The following PLCE1 variants were observed in gnomAD, a reference collection of about 807,000 sequenced individuals.
PLCE1 encodes phospholipase C epsilon 1.
Under a neutral mutation model 242.8 loss-of-function variants are expected in PLCE1, and 119 were observed. The ratio of observed to expected loss-of-function variants is 0.49; its 90% CI spans 0.42 to 0.57. PLCE1 has a LOEUF of 0.57. Among genes scored for constraint, PLCE1 ranks in the 20% least tolerant of loss-of-function variants. The pLI, the probability that PLCE1 is intolerant of heterozygous loss-of-function variation, is 0.00. For synonymous variants in PLCE1, 945 were observed against 1,017.4 expected, an observed-to-expected ratio of 0.93 and a Z score of 1.35; for missense variants, 2,441 against 2,788.8, an observed-to-expected ratio of 0.88 and a Z score of 2.81.
chr10:94,239,044 A>C (rs2050414086), intron 7 of PLCE1, among the ~76,000 whole-genome samples: 1 of 152,224 alleles, frequency 6.6e-6, no homozygotes, highest in Admixed American at 6.5e-5. Context: ...TGTAAACTGG[A>C]AATGACAATA....
At chr10:94,284,478 ACT>A (rs1360086430) in intron 21 of PLCE1, among the ~76,000 whole-genome samples, 2 of 152,152 alleles carry the variant, frequency 1.3e-5, no homozygotes, top group Non-Finnish European at 2.9e-5. Context: ...CAGTTTATAG[ACT>A]CTGAGCAAAT....
chr10:94,205,324 T>G (rs1266582951), intron 4 of PLCE1, among the ~76,000 whole-genome samples: 5 of 152,214 alleles, frequency 3.3e-5, no homozygotes, highest in African/African-American at 1.2e-4. Flanking sequence ...CATTTCCTAC[T>G]GTAGAGAATG....
chr10:94,124,187 G>A (rs889955262), intron 2 of PLCE1, among the ~76,000 whole-genome samples: 10 of 151,978 alleles, frequency 6.6e-5, no homozygotes, highest in African/African-American at 2.4e-4. Flanking sequence ...TGAGACCAGT[G>A]TGGGCAACAT....
intron 23 of PLCE1, among the ~76,000 whole-genome samples, chr10:94,295,105 A>G (rs948699308): frequency 1.3e-5 from 2 of 151,344 alleles, no homozygotes; most frequent in African/African-American, 2.4e-5. Flanking sequence ...TTTAGTAGAG[A>G]TGGGGTTTTA....
intron 3 of PLCE1, among the ~76,000 whole-genome samples, chr10:94,142,979 G>A (rs1043389808): frequency 2.0e-5 from 3 of 152,138 alleles, no homozygotes; most frequent in African/African-American, 7.2e-5. Context: ...TTACTTTCGA[G>A]GGATTTACCC....
In PLCE1 at chr10:94,255,038, G is replaced by C; in HGVS notation, c.3543G>C (p.Lys1181Asn). The change falls in exon 11 of 33, where the codon AAG becomes AAC. Residue 1181 changes from lysine to asparagine, a missense_variant. By Grantham distance (94) the Lys-to-Asn change is moderately conservative. This residue lies in a region of PLCE1 where 1,004 missense variants were observed against 1,322.7 expected (regional missense o/e 0.76). Coordinates refer to ENST00000371380, the MANE Select transcript of PLCE1 (RefSeq NM_016341.4). ...VSSPVLSSSN[K>N]SPSSAWSSSS... Reference sequence around the variant, plus strand: ...CCCCTGTGCTGTCTTCTTCAAACAAGAGCCCATCCAGGTGGGGCCTTAACA... The same window carrying C: ...CCCCTGTGCTGTCTTCTTCAAACAACAGCCCATCCAGGTGGGGCCTTAACA... 3 of 1,614,058 alleles carry C rather than the reference G, an allele frequency of 1.9e-6. No homozygotes were observed. Among genetic ancestry groups the C allele is most frequent in the Non-Finnish European group, 2.5e-6 (3 of 1,179,986 alleles).
chr10:94,190,301 G>T (rs372511651), intron 4 of PLCE1, among the ~76,000 whole-genome samples: 1 of 151,928 alleles, frequency 6.6e-6, no homozygotes, highest in Non-Finnish European at 1.5e-5. Flanking sequence ...AATTAATTAC[G>T]TTTTTTTAAA....
chr10:94,193,333 C>T (rs1172740483), intron 4 of PLCE1, among the ~76,000 whole-genome samples: 1 of 152,110 alleles, frequency 6.6e-6, no homozygotes, highest in Non-Finnish European at 1.5e-5. Flanking sequence ...GGAGAAGACT[C>T]ACAGCAAACA....
At chr10:94,204,715 AGAAG>A (rs888822222) in intron 4 of PLCE1, among the ~76,000 whole-genome samples, 25 of 148,208 alleles carry the variant, frequency 1.7e-4, no homozygotes, top group African/African-American at 4.0e-4. Context: ...AAGGAAGAAA[AGAAG>A]GAAGGAAGGA....
intron 2 of PLCE1, among the ~76,000 whole-genome samples, chr10:94,075,353 A>T (rs2044471099): frequency 6.6e-6 from 1 of 152,222 alleles, no homozygotes; most frequent in Admixed American, 6.5e-5. Flanking sequence ...TCAATAAGAC[A>T]TTGAAAAAAT....
intron 4 of PLCE1, among the ~76,000 whole-genome samples, chr10:94,218,189 G>A (rs182181449): frequency 7.8e-4 from 118 of 152,150 alleles, no homozygotes; most frequent in African/African-American, 2.7e-3. Context: ...CTTTCTGTGT[G>A]ATACAGTTAT....
intron 16 of PLCE1, 39 bp from the exon 17 acceptor site, chr10:94,268,890 G>C (rs2051609549): frequency 1.7e-6 from 2 of 1,166,084 alleles, no homozygotes; most frequent in East Asian, 2.3e-5. Flanking sequence ...TTTATCTCCA[G>C]GTGCTCACCT....
At chr10:94,071,495 G>GTTTTTTTTTTTTTTTGTTGTTTTTTTT (rs2044353719) in intron 2 of PLCE1, among the ~76,000 whole-genome samples, 1 of 83,314 alleles carries the variant, frequency 1.2e-5, no homozygotes, top group Admixed American at 1.5e-4. Context: ...TTTGGTTTTC[G>GTTTTTTTTTTTTTTTGTTGTTTTTTTT]TTTTTTTTTT....
intron 2 of PLCE1, among the ~76,000 whole-genome samples, chr10:94,131,640 T>A (rs2046601535): frequency 6.6e-6 from 1 of 152,156 alleles, no homozygotes. Context: ...AAAAAATGAT[T>A]CAAATACTTT....
chr10:94,147,336 C>G (rs1255761057), intron 3 of PLCE1, among the ~76,000 whole-genome samples: 1 of 152,024 alleles, frequency 6.6e-6, no homozygotes, highest in African/African-American at 2.4e-5. Context: ...GCAGGAGAAT[C>G]ACTTGAACCC....
intron 1 of PLCE1, among the ~76,000 whole-genome samples, chr10:93,999,493 G>C (rs2060891281): frequency 6.6e-6 from 1 of 152,216 alleles, no homozygotes; most frequent in African/African-American, 2.4e-5. Context: ...CCACTGAATG[G>C]TATGTGACTG....
At chr10:94,220,412 A>ATATATATATG (rs2049699151) in intron 4 of PLCE1, among the ~76,000 whole-genome samples, 1 of 111,340 alleles carries the variant, frequency 9.0e-6, no homozygotes, top group Admixed American at 9.5e-5. Context: ...ATATATATAT[A>ATATATATATG]TATATATGAT....
chr10:94,021,085 C>T (rs140212730), intron 1 of PLCE1, among the ~76,000 whole-genome samples: 41 of 152,228 alleles, frequency 2.7e-4, no homozygotes, highest in Middle Eastern at 3.4e-3. Context: ...CTCATCTCAT[C>T]CTCCCAAGGT....
chr10:94,175,489 A>G (rs2048101381), intron 4 of PLCE1, among the ~76,000 whole-genome samples: 1 of 152,158 alleles, frequency 6.6e-6, no homozygotes, highest in African/African-American at 2.4e-5. Flanking sequence ...ATATTTTGGT[A>G]CAGGCATACA....
Sources: gnomAD v4.1 joint callset for allele counts (sites outside exome capture counted in the v4.1 genomes callset) on GRCh38, gnomAD v4.1.1 for gene constraint, gnomAD v4.1.1 regional missense constraint, MANE v1.5 for transcripts, NCBI Gene and HGNC (gene_info 2026-07-23, HGNC 2026-07-21) for gene names.